ZNF407: variants seen among roughly 807,000 people sequenced by gnomAD.
The protein encoded by ZNF407 is zinc finger protein 407.
In ZNF407, 17 loss-of-function variants were observed where a neutral mutation model predicts 131.2. That is an observed-to-expected ratio of 0.13 (90% CI 0.09 to 0.19). The LOEUF (loss-of-function observed/expected upper bound fraction) is 0.19, where lower values mean the gene tolerates loss of function less well. Ranked by LOEUF, ZNF407 falls within the 10% of genes least tolerant of loss-of-function variation. The probability of loss-of-function intolerance (pLI) is 1.00; values close to 1 mark genes in which losing one functional copy is unlikely to be tolerated. For missense variants in ZNF407, 2,681 were observed against 2,830.6 expected (o/e 0.95, Z 1.20); for synonymous variants, 1,156 against 1,062.0 (o/e 1.09, Z -1.72).
At chr18:75,016,416 T>G (rs961419857) in intron 8 of ZNF407, among the ~76,000 whole-genome samples, 1 of 152,152 alleles carries the variant, frequency 6.6e-6, no homozygotes, top group African/African-American at 2.4e-5. Flanking sequence ...ATCACAACTT[T>G]TACTATTTCT....
intron 3 of ZNF407, among the ~76,000 whole-genome samples, chr18:74,710,877 GA>G (rs1967743499): frequency 6.6e-6 from 1 of 152,138 alleles, no homozygotes; most frequent in Non-Finnish European, 1.5e-5. Flanking sequence ...ATGGAGAATG[GA>G]AAAACTGGCT....
chr18:74,976,020 A>G (rs1403466696), intron 8 of ZNF407, among the ~76,000 whole-genome samples: 49 of 152,224 alleles, frequency 3.2e-4, no homozygotes, highest in Admixed American at 3.2e-3. Flanking sequence ...TAAATTTAAA[A>G]TATTTCCCAT....
intron 8 of ZNF407, among the ~76,000 whole-genome samples, chr18:75,044,999 A>G (rs1415579548): frequency 6.6e-6 from 1 of 150,812 alleles, no homozygotes; most frequent in Non-Finnish European, 1.5e-5. Context: ...GTGCATTGTC[A>G]GCAATATGTT....
At chr18:75,014,347 G>A (rs1018287710) in intron 8 of ZNF407, among the ~76,000 whole-genome samples, 2 of 151,824 alleles carry the variant, frequency 1.3e-5, no homozygotes, top group African/African-American at 4.8e-5. Flanking sequence ...ATGGTCCTTT[G>A]TCCTTTTCTC....
intron 6 of ZNF407, 70 bp downstream of exon 6, chr18:74,881,189 G>A: frequency 7.4e-7 from 1 of 1,351,392 alleles, no homozygotes; most frequent in African/African-American, 1.4e-5. Flanking sequence ...CTCAATTCTT[G>A]ATGTCATCAT....
At chr18:74,848,870 C>G (rs1464303919) in intron 4 of ZNF407, among the ~76,000 whole-genome samples, 1 of 152,054 alleles carries the variant, frequency 6.6e-6, no homozygotes, top group Non-Finnish European at 1.5e-5. Flanking sequence ...TCTAAACCAT[C>G]CTGAGCCTTT....
intron 3 of ZNF407, among the ~76,000 whole-genome samples, chr18:74,752,169 T>C (rs1248768089): frequency 6.6e-6 from 1 of 152,124 alleles, no homozygotes; most frequent in Non-Finnish European, 1.5e-5. Context: ...CATAAATGTC[T>C]TTTTTTGAGA....
chr18:74,619,656 TTAAAC>T (rs1339916626), intron 1 of ZNF407, among the ~76,000 whole-genome samples: 7 of 152,222 alleles, frequency 4.6e-5, no homozygotes, highest in South Asian at 2.1e-4. Context: ...AATAGACCGT[TTAAAC>T]TAAATTAAGT....
At chr18:74,663,745 G>A (rs1382943568) in intron 3 of ZNF407, among the ~76,000 whole-genome samples, 2 of 152,190 alleles carry the variant, frequency 1.3e-5, no homozygotes, top group African/African-American at 2.4e-5. Flanking sequence ...GATGCTGGAA[G>A]AACTCACATC....
chr18:74,853,634 G>C (rs577575305), intron 4 of ZNF407, among the ~76,000 whole-genome samples: 13 of 152,250 alleles, frequency 8.5e-5, no homozygotes, highest in Admixed American at 8.5e-4. Context: ...CAAAGAGTCT[G>C]CAGCGCTACC....
intron 3 of ZNF407, among the ~76,000 whole-genome samples, chr18:74,677,786 C>T (rs1482891014): frequency 2.0e-5 from 3 of 151,998 alleles, no homozygotes; most frequent in African/African-American, 7.3e-5. Context: ...TGTTGTTTCT[C>T]TTGAGTTTTG....
intron 2 of ZNF407, among the ~76,000 whole-genome samples, chr18:74,636,124 A>G (rs1032676126): frequency 1.3e-5 from 2 of 152,162 alleles, no homozygotes; most frequent in Non-Finnish European, 2.9e-5. Flanking sequence ...AATATCAGGG[A>G]TGTAAAAATA....
intron 4 of ZNF407, among the ~76,000 whole-genome samples, chr18:74,866,988 A>G (rs1160541088): frequency 9.2e-5 from 5 of 54,612 alleles, no homozygotes; most frequent in Non-Finnish European, 1.8e-4. Flanking sequence ...TGTCTACCCG[A>G]AAAAAAAAAA....
At chr18:75,025,350 A>G (rs1388390416) in intron 8 of ZNF407, among the ~76,000 whole-genome samples, 2 of 152,240 alleles carry the variant, frequency 1.3e-5, no homozygotes, top group Non-Finnish European at 2.9e-5. Flanking sequence ...GAGCATTCAT[A>G]TATTTTCATA....
At chr18:75,049,403 G>A (rs1973474020) in intron 8 of ZNF407, among the ~76,000 whole-genome samples, 1 of 152,074 alleles carries the variant, frequency 6.6e-6, no homozygotes, top group Admixed American at 6.5e-5. Flanking sequence ...AAGACATGTG[G>A]GTCACCGGCA....
chr18:74,767,887 C>T (rs1369626406), intron 3 of ZNF407, among the ~76,000 whole-genome samples: 2 of 146,088 alleles, frequency 1.4e-5, no homozygotes, highest in Admixed American at 7.0e-5. Flanking sequence ...AGGATGGTCT[C>T]GATTTCCTGA....
Position 74,634,326 on chromosome 18 carries a change from C to A in ZNF407, c.3307C>A (p.Gln1103Lys). 6.2e-7 allele frequency: 1 copy of A among 1,613,946 alleles called. No individual in the cohort carries two copies. The change falls in exon 2 of 9, where the codon CAA becomes AAA. Residue 1103 changes from glutamine (Q) to lysine (K), a missense_variant. Transcript: ENST00000299687. ...CATTATGCCTGAAGAAGAGCATCAACAAAATTCTGAGGAATTTCAAATAAT... is the reference window on the plus strand; with the variant it reads ...CATTATGCCTGAAGAAGAGCATCAAAAAAATTCTGAGGAATTTCAAATAAT... Reference protein sequence around the residue: ...NIIMPEEEHQQNSEEFQIISG... With the variant: ...NIIMPEEEHQKNSEEFQIISG...
chr18:74,714,438 C>T (rs996907153), intron 3 of ZNF407, among the ~76,000 whole-genome samples: 2 of 152,186 alleles, frequency 1.3e-5, no homozygotes, highest in African/African-American at 4.8e-5. Context: ...TTGCAGATCA[C>T]TGTCATTTTT....
Position 74,635,461 on chromosome 18 carries a change from A to T in ZNF407, c.4442A>T (p.Glu1481Val). 6.2e-7 allele frequency: 1 copy of T among 1,613,200 alleles called. No homozygotes were observed. Among genetic ancestry groups the T allele is most frequent in the Non-Finnish European group, 8.5e-7 (1 of 1,179,476 alleles). ...NEQASVEELP[E>V]GGATFKCVKC... is the part of the protein sequence containing the mutation. ...CAGGCCAGTGTGGAGGAGCTTCCGG[A>T]GGGAGGGGCCACCTTTAAATGTGTC... is the stretch of plus-strand genomic sequence containing the variant. The change falls in exon 2 of 9, where the codon GAG (glutamate) becomes GTG (valine). Residue 1481 changes from glutamate (E) to valine (V), a missense_variant. Glu to Val is a moderately radical substitution (Grantham distance 121). Around this residue, in one of 6 missense-constraint regions of ZNF407, gnomAD observed 213 missense variants for 332.2 expected, o/e 0.64. Transcript: ENST00000299687. The surrounding 1 kb of genome is among the most constrained non-coding windows in gnomAD (Gnocchi z 4.7).
Sources: allele counts gnomAD v4.1 joint callset (sites outside exome capture counted in the v4.1 genomes callset), GRCh38; gene constraint gnomAD v4.1.1; regional missense constraint gnomAD v4.1.1; non-coding constraint Gnocchi (gnomAD v3.1); transcripts MANE v1.5; gene names NCBI Gene and HGNC (gene_info 2026-07-23, HGNC 2026-07-21).